The following CSMD3 variants were observed in gnomAD, a reference collection of about 807,000 sequenced individuals.
CSMD3 encodes CUB and Sushi multiple domains 3, also known as CUB and sushi domain-containing protein 3.
A neutral mutation model predicts 435.2 loss-of-function variants in CSMD3; 177 were observed. The observed-to-expected ratio is 0.41, with a 90% CI of 0.36 to 0.46. CSMD3 has a LOEUF of 0.46. CSMD3 is among the 20% of genes least tolerant of loss of function. CSMD3 has a pLI of 0.34. For missense variants in CSMD3, 4,265 were observed against 4,504.6 expected (o/e 0.95, Z 1.52); for synonymous variants, 1,656 against 1,520.5 (o/e 1.09, Z -2.07).
chr8:112,260,413 G>A (rs771288089), intron 61 of CSMD3, among the ~76,000 whole-genome samples: 4 of 152,166 alleles, frequency 2.6e-5, no homozygotes, highest in East Asian at 3.9e-4. Flanking sequence ...CTAATCCTAC[G>A]TACCCAGGAG....
chr8:112,755,287 C>T lies in CSMD3; in HGVS notation c.1972+44875G>A, dbSNP rs770598645. Among the ~76,000 whole-genome samples the T allele has an allele frequency of 1.6e-4, 24 of 151,302 alleles. 1 individual carries two copies. Among genetic ancestry groups the T allele is most frequent in the African/African-American group, 5.1e-4 (21 of 41,318 alleles). ...CGGAGCTTGCAGTGAGCCGAGATTG[C>T]GCCACAGAACTCTAGCCTGGGCGAC... is the stretch of plus-strand genomic sequence containing the variant. On this transcript the variant is annotated intron_variant, in intron 13 of 70. Transcript: ENST00000297405.
chr8:113,365,806 T>C (rs2094307640), intron 1 of CSMD3, among the ~76,000 whole-genome samples: 1 of 151,966 alleles, frequency 6.6e-6, no homozygotes, highest in African/African-American at 2.4e-5. Context: ...TAATCATGAG[T>C]CTCAATGTAT....
chr8:112,254,079 T>C (rs1815546329), intron 63 of CSMD3, among the ~76,000 whole-genome samples, 174 bp downstream of exon 63: 1 of 151,978 alleles, frequency 6.6e-6, no homozygotes, highest in Non-Finnish European at 1.5e-5. Context: ...TTAAAAAAAT[T>C]TTTTTTTCTA....
rs1011689231 is a variant in CSMD3, at chr8:113,314,290, T to A, written c.401+281A>T. The A allele has an allele frequency of 1.7e-5, 6 of 357,678 alleles. No individual in the cohort carries two copies. In the East Asian group the frequency reaches 3.0e-4, roughly 18 times the overall value. The allele number at this position is 357,678 out of a possible 1,614,324, so 22.2% of individuals were successfully genotyped here. ...ATCCATAATGAATGAAACCTTGAGA[T>A]AATCATTTTTAAAAACAAAATACCT... On this transcript the variant is annotated intron_variant, in intron 2 of 70. Transcript: ENST00000297405.
In CSMD3 at chr8:112,860,362, T is replaced by C. The variant is rs139012963; in HGVS notation, c.1634-1096A>G. Among the ~76,000 whole-genome samples, 6 of 151,946 alleles carry C rather than the reference T, an allele frequency of 3.9e-5. No individual in the cohort carries two copies. In the East Asian group the frequency reaches 1.2e-3, roughly 29 times the overall value. ...CTTTTAATTATCTTGTGAGTGTGTGTGTATAATTTCTGTATTTTAACCAAT... is the reference window on the plus strand; with the variant it reads ...CTTTTAATTATCTTGTGAGTGTGTGCGTATAATTTCTGTATTTTAACCAAT... On this transcript the variant is annotated intron_variant, in intron 10 of 70. Coordinates refer to ENST00000297405, the MANE Select transcript of CSMD3 (RefSeq NM_198123.2).
At chr8:113,193,054 T>C (rs1485872820) in intron 3 of CSMD3, among the ~76,000 whole-genome samples, 4 of 151,506 alleles carry the variant, frequency 2.6e-5, no homozygotes, top group Admixed American at 6.6e-5. Flanking sequence ...ATACTCAAAG[T>C]AAAAGAATTC....
chr8:113,334,121 C>T (rs1323375662), intron 1 of CSMD3, among the ~76,000 whole-genome samples: 1 of 151,708 alleles, frequency 6.6e-6, no homozygotes, highest in Non-Finnish European at 1.5e-5. Context: ...TATCTGTAAC[C>T]CAGTTGAACT....
intron 3 of CSMD3, among the ~76,000 whole-genome samples, chr8:113,227,312 G>C (rs1200201180): frequency 6.6e-6 from 1 of 151,532 alleles, no homozygotes; most frequent in Non-Finnish European, 1.5e-5. Context: ...GTCCATTCTA[G>C]GACATGTGCC....
intron 10 of CSMD3, among the ~76,000 whole-genome samples, chr8:112,861,354 A>T (rs2080821862): frequency 1.3e-5 from 2 of 152,010 alleles, no homozygotes; most frequent in Admixed American, 6.6e-5. Context: ...CCTAATAGGG[A>T]GTATAAAATT....
chr8:112,437,850 G>A (rs1814545065), intron 32 of CSMD3, among the ~76,000 whole-genome samples: 2 of 152,082 alleles, frequency 1.3e-5, no homozygotes, highest in Admixed American at 6.5e-5. Context: ...GCCCAAGAGA[G>A]CTCCTCTACC....
chr8:112,369,020 T>C (rs1828062516), intron 38 of CSMD3, among the ~76,000 whole-genome samples: 1 of 152,102 alleles, frequency 6.6e-6, no homozygotes, highest in African/African-American at 2.4e-5. Context: ...ATAATGACAG[T>C]GGAGGTATCA....
At chr8:112,547,548 TA>T (rs1023989576) in intron 27 of CSMD3, among the ~76,000 whole-genome samples, 10 of 151,960 alleles carry the variant, frequency 6.6e-5, no homozygotes, top group African/African-American at 2.2e-4. Flanking sequence ...ACATTGACTC[TA>T]AAAAAACAAA....
chr8:112,408,383 T>G lies in CSMD3; in HGVS notation c.5540A>C (p.Gln1847Pro). The part of the protein sequence containing the change: ...GESLPLSSGN[Q>P]ITIRFTSVGP... Reference sequence around the variant, plus strand: ...AACTGAAGTAAATCGAATTGTGATCTGATTACCTGAACTCAGTGGAAGTGA... The same window carrying G: ...AACTGAAGTAAATCGAATTGTGATCGGATTACCTGAACTCAGTGGAAGTGA... Residue 1847 changes from glutamine (Q) to proline (P), a missense_variant, in exon 34 of 71, where the codon CAG becomes CCG. Physicochemically the swap from Gln to Pro is moderately conservative, Grantham distance 76. Around this residue, in one of 3 missense-constraint regions of CSMD3, gnomAD observed 3,255 missense variants for 3,380.2 expected, o/e 0.96. Transcript: ENST00000297405. 6.2e-7 allele frequency: 1 copy of G among 1,610,592 alleles called. No individual in the cohort carries two copies. Among genetic ancestry groups the G allele is most frequent in the Non-Finnish European group, 8.5e-7 (1 of 1,177,212 alleles).
At chr8:112,505,679 CG>C (rs1302982419) in intron 29 of CSMD3, among the ~76,000 whole-genome samples, 17 of 151,538 alleles carry the variant, frequency 1.1e-4, no homozygotes, top group Non-Finnish European at 1.9e-4. Flanking sequence ...TTAGTTATTA[CG>C]TTTTTTTTCT....
chr8:113,026,056 G>T (rs2086864674), intron 5 of CSMD3, among the ~76,000 whole-genome samples: 1 of 152,126 alleles, frequency 6.6e-6, no homozygotes, highest in South Asian at 2.1e-4. Flanking sequence ...GGGATAGGGG[G>T]TGCACATAGG....
chr8:113,116,666 G>C (rs1392065052), intron 4 of CSMD3, among the ~76,000 whole-genome samples: 1 of 152,152 alleles, frequency 6.6e-6, no homozygotes, highest in African/African-American at 2.4e-5. Flanking sequence ...CTGTAGAAAA[G>C]TTTGGAACTT....
At position 112,423,945 on chromosome 8, in the gene CSMD3, T is replaced by C. The variant is rs145012564; in HGVS notation, c.5396-14913A>G. On this transcript the variant is annotated intron_variant, in intron 32 of 70. Transcript: ENST00000297405. The stretch of plus-strand genomic sequence containing the variant: ...TATGGAATCGTTTTAAATTACTTAA[T>C]ATGCTATAATTCCAATGGAAGTTTC... 8.0e-3 allele frequency among the ~76,000 whole-genome samples: 1,216 copies of C among 152,294 alleles called. 23 individuals are homozygous for C. The highest frequency in any genetic ancestry group is 0.027 in the African/African-American group (1,129 of 41,564).
At chr8:112,629,304 C>T (rs1243587136) in intron 22 of CSMD3, among the ~76,000 whole-genome samples, 1 of 152,104 alleles carries the variant, frequency 6.6e-6, no homozygotes. Flanking sequence ...TGGGCTCAGG[C>T]AATCCTCTTG....
rs111865705 is a variant in CSMD3, at chr8:112,259,040, C to CA, written c.9863-3614dup. ...GGCTACAGAGCGAGAATCTATCTCC[C>CA]AAAAAAAAAAGAAAAAAAGAAATAT... On this transcript the variant is annotated intron_variant, in intron 61 of 70. Coordinates refer to ENST00000297405, the MANE Select transcript of CSMD3 (RefSeq NM_198123.2). 5.1e-3 allele frequency among the ~76,000 whole-genome samples: 731 copies of CA among 142,950 alleles called. 8 individuals are homozygous for CA. Among genetic ancestry groups the CA allele is most frequent in the East Asian group, 0.025 (124 of 4,916 alleles). The allele number at this position is 142,950 out of a possible 152,430, so 93.8% of individuals were successfully genotyped here. A position where few individuals can be genotyped will look rare whatever the true frequency, so the allele number is the denominator to read the frequency against.
Sources: allele counts gnomAD v4.1 joint callset (sites outside exome capture counted in the v4.1 genomes callset), GRCh38; gene constraint gnomAD v4.1.1; regional missense constraint gnomAD v4.1.1; transcripts MANE v1.5; gene names NCBI Gene and HGNC (gene_info 2026-07-23, HGNC 2026-07-21).